Variants in ANKH observed in about 807,000 individuals in gnomAD.
The protein encoded by ANKH is mineralization regulator ANKH.
ANKH carries 15 observed loss-of-function variants against 49.0 expected under a neutral mutation model. The observed-to-expected ratio is 0.31, with a 90% confidence interval of 0.20 to 0.47. The LOEUF (loss-of-function observed/expected upper bound fraction) is 0.47. Among genes scored for constraint, ANKH ranks in the 20% least tolerant of loss-of-function variants. ANKH has a pLI of 1.00. For synonymous variants in ANKH, 273 were observed against 260.0 expected (o/e 1.05, Z -0.48); for missense variants, 429 against 652.0 (o/e 0.66, Z 3.72).
intron 1 of ANKH, chr5:14,798,080 ACCT>A: frequency 6.3e-7 from 1 of 1,581,136 alleles, no homozygotes; most frequent in East Asian, 2.2e-5. Context: ...CTGAACCAAA[ACCT>A]CCAAATTCTC....
chr5:14,804,058 G>A (rs1740636131), intron 1 of ANKH, among the ~76,000 whole-genome samples: 2 of 152,042 alleles, frequency 1.3e-5, no homozygotes, highest in Admixed American at 1.3e-4. Context: ...ACCATGCCTG[G>A]CTAATTTTTG....
At chr5:14,749,930 A>T (rs1156847179) in intron 5 of ANKH, among the ~76,000 whole-genome samples, 1 of 152,258 alleles carries the variant, frequency 6.6e-6, no homozygotes, top group Non-Finnish European at 1.5e-5. Flanking sequence ...TTCATTATGC[A>T]ATTTTGGTTT....
chr5:14,713,479 A>T lies in ANKH; in HGVS notation c.1265+65T>A. 6.2e-7 allele frequency: 1 copy of T among 1,601,036 alleles called. No homozygotes were observed. Among genetic ancestry groups the T allele is most frequent in the East Asian group, 2.3e-5 (1 of 44,396 alleles). On this transcript the variant is annotated intron_variant, in intron 10 of 11. Transcript: ENST00000284268. This position sits in a 1 kb window ranked among gnomAD's most constrained non-coding sequence, Gnocchi z 4.4. ...GATTTCCCCTGAAAATGTAGCTGTTAAACCTCTGGACACAGTATTGAAGTG... is the reference window on the plus strand; with the variant it reads ...GATTTCCCCTGAAAATGTAGCTGTTTAACCTCTGGACACAGTATTGAAGTG...
intron 1 of ANKH, among the ~76,000 whole-genome samples, chr5:14,786,411 T>C (rs114215143): frequency 6.6e-6 from 1 of 152,220 alleles, no homozygotes; most frequent in African/African-American, 2.4e-5. Flanking sequence ...AGTGATCTAG[T>C]GATTTGCATT....
In ANKH at chr5:14,769,068, G is replaced by A. The variant is rs777754948; in HGVS notation, c.220C>T (p.Leu74=). 6.2e-7 allele frequency: 1 copy of A among 1,614,158 alleles called. No individual in the cohort carries two copies. The highest frequency in any genetic ancestry group is 8.5e-7 in the Non-Finnish European group (1 of 1,180,028). The change falls in exon 2 of 12, where the codon CTG becomes TTG. Residue 74 remains leucine (L), a synonymous_variant. Coordinates refer to ENST00000284268, the MANE Select transcript of ANKH (RefSeq NM_054027.6). ...GPMSDFKNVG[L]VFVNSKRDRT... is the part of the protein sequence containing the mutation. ...TCTCTCTTGCTGTTCACAAACACCA[G>A]GCCCACATTTTTGAAGTCACTCATG...
Position 14,823,245 on chromosome 5 carries a change from T to C in ANKH, c.96+48107A>G, listed in dbSNP as rs551558068. Among the ~76,000 whole-genome samples, 359 of 152,380 alleles carry C rather than the reference T, an allele frequency of 2.4e-3. 3 individuals are homozygous for C. The highest frequency in any genetic ancestry group is 8.3e-3 in the African/African-American group (346 of 41,592). On this transcript the variant is annotated intron_variant, in intron 1 of 11. Transcript: ENST00000284268. The stretch of plus-strand genomic sequence containing the variant: ...TCAGAAAGCCTAATATATACTATTT[T>C]ATACCTATATTACAAGAAAATAAGT...
In ANKH at chr5:14,841,038, G is replaced by A. The variant is rs550435652; in HGVS notation, c.96+30314C>T. 1.3e-3 allele frequency among the ~76,000 whole-genome samples: 195 copies of A among 152,182 alleles called. 1 individual carries two copies. Among genetic ancestry groups the A allele is most frequent in the African/African-American group, 4.4e-3 (182 of 41,530 alleles). On this transcript the variant is annotated intron_variant, in intron 1 of 11. Transcript: ENST00000284268. ...CAACACATGTCTGAAAGTTTTGAGC[G>A]GGGATATATATGACTAATATGTATG...
At chr5:14,812,954 C>G (rs1740929523) in intron 1 of ANKH, among the ~76,000 whole-genome samples, 1 of 152,078 alleles carries the variant, frequency 6.6e-6, no homozygotes, top group Non-Finnish European at 1.5e-5. Flanking sequence ...TCTTTGTATT[C>G]AATGTAATCA....
At chr5:14,821,837 T>A in intron 1 of ANKH, among the ~76,000 whole-genome samples, 1 of 152,242 alleles carries the variant, frequency 6.6e-6, no homozygotes, top group Non-Finnish European at 1.5e-5. Context: ...TGATGTGGAT[T>A]TTTAATTTCC....
At chr5:14,720,649 G>A (rs1210345965) in intron 8 of ANKH, among the ~76,000 whole-genome samples, 1 of 152,200 alleles carries the variant, frequency 6.6e-6, no homozygotes, top group South Asian at 2.1e-4. Flanking sequence ...CTGGCTCTGT[G>A]CCTTAGAACC....
intron 6 of ANKH, 98 bp downstream of exon 6, chr5:14,749,066 TATTGGGGA>T: frequency 1.6e-5 from 23 of 1,474,546 alleles, no homozygotes; most frequent in Non-Finnish European, 2.1e-5. Flanking sequence ...TGTAATTTAA[TATTGGGGA>T]ATTACTTGAG....
chr5:14,725,527 G>A lies in ANKH; in HGVS notation c.1012-8692C>T, dbSNP rs1282678509. On this transcript the variant is annotated intron_variant, in intron 8 of 11. Coordinates refer to ENST00000284268, the MANE Select transcript of ANKH (RefSeq NM_054027.6). This position sits in a 1 kb window ranked among gnomAD's most constrained non-coding sequence, Gnocchi z 4.0. ...ACTCATCTGCAAACCCCGAGCCTGC[G>A]AGCACTGCAGTTTGCATAAACCGCT... is the stretch of plus-strand genomic sequence containing the variant. Among the ~76,000 whole-genome samples the A allele has an allele frequency of 3.9e-5, 6 of 152,132 alleles. No homozygotes were observed. The highest frequency in any genetic ancestry group is 6.6e-5 in the Admixed American group (1 of 15,264).
intron 2 of ANKH, among the ~76,000 whole-genome samples, chr5:14,766,021 C>T (rs1042968089): frequency 2.4e-4 from 36 of 152,144 alleles, no homozygotes; most frequent in African/African-American, 8.4e-4. Context: ...TTTTAGATGG[C>T]TATAGCAAAA....
At chr5:14,787,890 C>T (rs1277717060) in intron 1 of ANKH, among the ~76,000 whole-genome samples, 1 of 152,192 alleles carries the variant, frequency 6.6e-6, no homozygotes, top group African/African-American at 2.4e-5. Flanking sequence ...CCCAAACCCA[C>T]ACCTTTGGCC....
chr5:14,838,332 A>G (rs922372342), intron 1 of ANKH, among the ~76,000 whole-genome samples: 3 of 152,048 alleles, frequency 2.0e-5, no homozygotes, highest in South Asian at 4.1e-4. Context: ...ACATGTATAC[A>G]TATGTAATAA....
chr5:14,818,883 A>G (rs73050682), intron 1 of ANKH, among the ~76,000 whole-genome samples: 2,907 of 152,278 alleles, frequency 0.019, 70 homozygotes, highest in African/African-American at 0.053. Context: ...TACCTTCAGC[A>G]AATGCCTTAA....
chr5:14,804,054 C>T (rs1057478884), intron 1 of ANKH, among the ~76,000 whole-genome samples: 2 of 152,162 alleles, frequency 1.3e-5, no homozygotes, highest in African/African-American at 2.4e-5. Flanking sequence ...TGCCACCATG[C>T]CTGGCTAATT....
intron 8 of ANKH, among the ~76,000 whole-genome samples, chr5:14,740,935 C>T (rs1738333508): frequency 6.6e-6 from 1 of 152,204 alleles, no homozygotes; most frequent in South Asian, 2.1e-4. Context: ...AAGTAAGTTT[C>T]TACCGGATTT....
In ANKH at chr5:14,716,857, A is replaced by G. The variant is rs371669206; in HGVS notation, c.1012-22T>C. On this transcript the variant is annotated intron_variant, in intron 8 of 11. Transcript: ENST00000284268. ...AGAGCTGGGGAGAAAGACATCAAAC[A>G]GGGTTGTGAGGAAAAAGTGTAAGCA... 11 of 1,612,814 alleles carry G rather than the reference A, an allele frequency of 6.8e-6. No homozygotes were observed. The South Asian group carries it at 9.9e-5, about 15-fold the overall frequency.
Sources: allele counts gnomAD v4.1 joint callset (sites outside exome capture counted in the v4.1 genomes callset), GRCh38; gene constraint gnomAD v4.1.1; non-coding constraint Gnocchi (gnomAD v3.1); transcripts MANE v1.5; gene names NCBI Gene and HGNC (gene_info 2026-07-23, HGNC 2026-07-21).